The following MCF2L2 variants were observed in gnomAD, a reference collection of about 807,000 sequenced individuals.
MCF2L2 encodes MCF.2 cell line derived transforming sequence-like 2.
MCF2L2 carries 102 observed loss-of-function variants against 150.2 expected under a neutral mutation model. The observed-to-expected ratio is 0.68, with a 90% CI of 0.58 to 0.80. MCF2L2 has a LOEUF of 0.80. MCF2L2 is among the 30% of genes least tolerant of loss of function. The pLI is 0.00. For missense variants in MCF2L2, 1,256 were observed against 1,372.8 expected, an observed-to-expected ratio of 0.91 and a Z score of 1.34; for synonymous variants, 465 against 491.3, an observed-to-expected ratio of 0.95 and a Z score of 0.71.
intron 1 of MCF2L2, among the ~76,000 whole-genome samples, chr3:183,420,672 G>A (rs1040785988): frequency 3.3e-5 from 5 of 152,174 alleles, no homozygotes; most frequent in Non-Finnish European, 5.9e-5. Flanking sequence ...TCATAGTTCC[G>A]CCTGGCTGGG....
At chr3:183,361,023 G>GAC (rs1160069588) in intron 3 of MCF2L2, among the ~76,000 whole-genome samples, 2 of 103,090 alleles carry the variant, frequency 1.9e-5, no homozygotes, top group African/African-American at 9.5e-5. Flanking sequence ...GAAAAGAAAA[G>GAC]AGAAAAGAAA....
chr3:183,348,839 C>T lies in MCF2L2; in HGVS notation c.276-7209G>A, dbSNP rs193093996. Among the ~76,000 whole-genome samples the T allele has an allele frequency of 2.8e-4, 43 of 152,150 alleles. 1 individual carries two copies. The Middle Eastern group carries it at 0.01, about 36-fold the overall frequency. ...GACATAAGAATCCTAAATGTCTAAGCGTACAATAACATTGCCCCAAAGACA... is the reference window on the plus strand; with the variant it reads ...GACATAAGAATCCTAAATGTCTAAGTGTACAATAACATTGCCCCAAAGACA... On this transcript the variant is annotated intron_variant, in intron 3 of 29. Coordinates refer to ENST00000328913, the MANE Select transcript of MCF2L2 (RefSeq NM_015078.4).
intron 2 of MCF2L2, among the ~76,000 whole-genome samples, chr3:183,383,225 T>A (rs1054420602): frequency 2.1e-5 from 3 of 145,928 alleles, no homozygotes; most frequent in African/African-American, 2.5e-5. Flanking sequence ...TATTTATTTA[T>A]TTTATTTATT....
At chr3:183,326,072 CTT>C (rs1347531118) in intron 5 of MCF2L2, among the ~76,000 whole-genome samples, 1 of 151,846 alleles carries the variant, frequency 6.6e-6, no homozygotes, top group African/African-American at 2.4e-5. Flanking sequence ...AGTTTCAAAA[CTT>C]AATAAAATTG....
chr3:183,366,984 A>T (rs371060940), intron 3 of MCF2L2, among the ~76,000 whole-genome samples: 1 of 152,214 alleles, frequency 6.6e-6, no homozygotes, highest in African/African-American at 2.4e-5. Context: ...AAATGCACAT[A>T]AAAAAGTCAT....
intron 15 of MCF2L2, among the ~76,000 whole-genome samples, chr3:183,241,958 G>C (rs1724045937): frequency 6.6e-6 from 1 of 152,166 alleles, no homozygotes; most frequent in Non-Finnish European, 1.5e-5. Flanking sequence ...GAGCAAAGGA[G>C]ACTCTTGCTA....
intron 2 of MCF2L2, among the ~76,000 whole-genome samples, chr3:183,382,355 C>T (rs765352811): frequency 1.2e-4 from 18 of 152,122 alleles, no homozygotes; most frequent in Non-Finnish European, 2.1e-4. Flanking sequence ...CCACCACACC[C>T]GGCCAATTTT....
Position 183,318,127 on chromosome 3 carries a change from T to C in MCF2L2, c.694A>G (p.Ser232Gly), listed in dbSNP as rs1560019087. The C allele has an allele frequency of 2.5e-6, 4 of 1,614,100 alleles. No homozygotes were observed. ...SCLATAELPR[S>G]MLSTEDLLMS... is the part of the protein sequence containing the mutation. The stretch of plus-strand genomic sequence containing the variant: ...AGAAGGTCTTCCGTGGATAGCATGC[T>C]TCTGGGCAGCTCTGCTGTGGCCAGG... The change falls in exon 7 of 30, where the codon AGC becomes GGC. Residue 232 changes from serine to glycine, a missense_variant. Physicochemically the swap from Ser to Gly is moderately conservative, Grantham distance 56 (BLOSUM62 0). Coordinates refer to ENST00000328913, the MANE Select transcript of MCF2L2 (RefSeq NM_015078.4).
chr3:183,229,765 A>T lies in MCF2L2; in HGVS notation c.1946T>A (p.Met649Lys), dbSNP rs200702114. ...KSIIDGYITP[M>K]DFIWLKHLIP... ...TAGATGCTTTAGCCAAATAAAATCCATTGGAGTGATATATCCCTGCAGAGG... is the reference window on the plus strand; with the variant it reads ...TAGATGCTTTAGCCAAATAAAATCCTTTGGAGTGATATATCCCTGCAGAGG... The change falls in exon 17 of 30, where the codon ATG becomes AAG. Residue 649 changes from methionine to lysine, a missense_variant. Met to Lys is a moderately conservative substitution (Grantham distance 95, BLOSUM62 -1). Coordinates refer to ENST00000328913, the MANE Select transcript of MCF2L2 (RefSeq NM_015078.4). 1.8e-5 allele frequency: 28 copies of T among 1,549,262 alleles called. No individual in the cohort carries two copies. The highest frequency in any genetic ancestry group is 1.2e-4 in the South Asian group (11 of 88,996).
At chr3:183,240,973 C>T (rs1302385940) in intron 15 of MCF2L2, among the ~76,000 whole-genome samples, 1 of 152,244 alleles carries the variant, frequency 6.6e-6, no homozygotes, top group Non-Finnish European at 1.5e-5. Context: ...ATGAGCCTGG[C>T]TCCATGATAG....
rs371939900 is a variant in MCF2L2 at position 183,219,798 on chromosome 3, C to T, written c.2370+58G>A. The T allele has an allele frequency of 2.2e-5, 25 of 1,156,848 alleles. No individual in the cohort carries two copies. In the African/African-American group the frequency reaches 3.6e-4, roughly 16 times the overall value. The allele number at this position is 1,156,848 out of a possible 1,614,324, so 71.7% of individuals were successfully genotyped here. The stretch of plus-strand genomic sequence containing the variant: ...TAAAATTGCTATAAATCCTCCGACC[C>T]ATAGACAAACACCATTAATAGTTAG... On this transcript the variant is annotated intron_variant, in intron 21 of 29. Transcript: ENST00000328913.
At chr3:183,240,376 C>T (rs79606491) in intron 15 of MCF2L2, among the ~76,000 whole-genome samples, 2,539 of 152,258 alleles carry the variant, frequency 0.017, 67 homozygotes, top group African/African-American at 0.055. Flanking sequence ...GTTAAAGTTG[C>T]CTGCCACCAT....
intron 15 of MCF2L2, among the ~76,000 whole-genome samples, chr3:183,238,910 T>G (rs1481903509): frequency 2.8e-5 from 4 of 142,350 alleles, no homozygotes; most frequent in African/African-American, 5.3e-5. Flanking sequence ...GACAGGAGAA[T>G]GGCGTGGACC....
At chr3:183,254,396 CGGA>C (rs1298531546) in intron 15 of MCF2L2, among the ~76,000 whole-genome samples, 2 of 151,894 alleles carry the variant, frequency 1.3e-5, no homozygotes, top group African/African-American at 4.8e-5. Context: ...GAAAGCGCGG[CGGA>C]GAAGGAGGCT....
In MCF2L2 at chr3:183,212,870, G is replaced by A. The variant is rs936602027; in HGVS notation, c.2496+3099C>T. Among the ~76,000 whole-genome samples the A allele has an allele frequency of 6.1e-5, 9 of 147,788 alleles. No individual in the cohort carries two copies. In the South Asian group the frequency reaches 6.4e-4, roughly 10 times the overall value. ...GCTGTTTATTCGGCATCTGTTGGGCGCCAGGCACAGTGCTTGGTGCCTTAC... is the reference window on the plus strand; with the variant it reads ...GCTGTTTATTCGGCATCTGTTGGGCACCAGGCACAGTGCTTGGTGCCTTAC... On this transcript the variant is annotated intron_variant, in intron 22 of 29. Coordinates refer to ENST00000328913, the MANE Select transcript of MCF2L2 (RefSeq NM_015078.4).
Position 183,323,354 on chromosome 3 carries a change from G to A in MCF2L2, c.487-3C>T. The A allele has an allele frequency of 6.3e-7, 1 of 1,581,498 alleles. No homozygotes were observed. Among genetic ancestry groups the A allele is most frequent in the Non-Finnish European group, 8.7e-7 (1 of 1,151,204 alleles). The stretch of plus-strand genomic sequence containing the variant: ...GAGACAGAGTTTACCATGATGATCT[G>A]TAAGGTAAAAATTTAATTAAACATA... On this transcript the variant is annotated splice_polypyrimidine_tract_variant and splice_region_variant and intron_variant, in intron 5 of 29. Coordinates refer to ENST00000328913, the MANE Select transcript of MCF2L2 (RefSeq NM_015078.4).
At chr3:183,212,379 C>G (rs1170708721) in intron 22 of MCF2L2, among the ~76,000 whole-genome samples, 1 of 152,184 alleles carries the variant, frequency 6.6e-6, no homozygotes, top group Non-Finnish European at 1.5e-5. Context: ...TGTGGAAGAA[C>G]CTGATGGTTG....
intron 3 of MCF2L2, among the ~76,000 whole-genome samples, chr3:183,364,914 C>A (rs1172193031): frequency 2.0e-5 from 3 of 152,106 alleles, no homozygotes; most frequent in Non-Finnish European, 4.4e-5. Context: ...CAGGCGAATT[C>A]TACAAAATCA....
intron 2 of MCF2L2, among the ~76,000 whole-genome samples, chr3:183,382,555 T>G (rs1162591903): frequency 6.6e-6 from 1 of 152,142 alleles, no homozygotes; most frequent in Non-Finnish European, 1.5e-5. Flanking sequence ...GACTTAACTG[T>G]GGGGCAACCT....
Sources: allele counts gnomAD v4.1 joint callset (sites outside exome capture counted in the v4.1 genomes callset), GRCh38; gene constraint gnomAD v4.1.1; transcripts MANE v1.5; gene names NCBI Gene and HGNC (gene_info 2026-07-23, HGNC 2026-07-21).